The following TSNARE1 variants were observed in gnomAD, a reference collection of about 807,000 sequenced individuals.
TSNARE1 encodes t-SNARE domain-containing protein 1.
In TSNARE1, 49 loss-of-function variants were observed where a neutral mutation model predicts 62.0. That is an observed-to-expected ratio of 0.79 (90% CI 0.63 to 1.00). The LOEUF (loss-of-function observed/expected upper bound fraction) is 1.00. Ranked by LOEUF, TSNARE1 falls within the 50% of genes least tolerant of loss-of-function variation. The probability of loss-of-function intolerance (pLI) is 0.00; values close to 1 mark genes in which losing one functional copy is unlikely to be tolerated. For missense variants in TSNARE1, 755 were observed against 700.1 expected (o/e 1.08, Z -0.88); for synonymous variants, 328 against 294.4 (o/e 1.11, Z -1.17).
At chr8:142,344,973 G>A (rs1833160761) in intron 3 of TSNARE1, among the ~76,000 whole-genome samples, 1 of 152,198 alleles carries the variant, frequency 6.6e-6, no homozygotes, top group Non-Finnish European at 1.5e-5. Context: ...TTGGGCCAGG[G>A]CCGGTGGGGA....
rs565303103 is a variant in TSNARE1, at chr8:142,215,606, G to A, written c.*12-3293C>T. Among the ~76,000 whole-genome samples, 23 of 152,220 alleles carry A rather than the reference G, an allele frequency of 1.5e-4. No individual in the cohort carries two copies. The East Asian group carries it at 1.9e-3, about 13-fold the overall frequency. On this transcript the variant is annotated intron_variant, in intron 13 of 13. Coordinates refer to ENST00000524325, the MANE Select transcript of TSNARE1 (RefSeq NM_145003.5). ...AGAACCCCCAGGAGAGCTGTCCCCC[G>A]TGACCTACCAGGGAGTCCTCCCTGC...
intron 1 of TSNARE1, among the ~76,000 whole-genome samples, chr8:142,379,246 G>A (rs1374638581): frequency 2.0e-5 from 3 of 152,206 alleles, no homozygotes; most frequent in Non-Finnish European, 2.9e-5. Flanking sequence ...CAGACCGTCC[G>A]TCACGGAGTA....
At chr8:142,323,610 T>A (rs1829801654) in intron 6 of TSNARE1, among the ~76,000 whole-genome samples, 1 of 152,326 alleles carries the variant, frequency 6.6e-6, no homozygotes, top group South Asian at 2.1e-4. Flanking sequence ...GGCTGGACAC[T>A]GCTCCAAAGG....
At chr8:142,231,013 CTCCA>C (rs1817090333) in intron 12 of TSNARE1, among the ~76,000 whole-genome samples, 2 of 150,944 alleles carry the variant, frequency 1.3e-5, no homozygotes, top group Non-Finnish European at 3.0e-5. Flanking sequence ...CTACCCACCT[CTCCA>C]TCCATCCATC....
chr8:142,315,423 G>A (rs762172911), intron 7 of TSNARE1, among the ~76,000 whole-genome samples: 19 of 152,344 alleles, frequency 1.2e-4, no homozygotes, highest in Middle Eastern at 3.4e-3. Flanking sequence ...CCTGAGTCCC[G>A]AGTGACTTGT....
chr8:142,275,345 G>A (rs866597953), intron 11 of TSNARE1: 20 of 985,428 alleles, frequency 2.0e-5, no homozygotes, highest in African/African-American at 1.9e-4. Context: ...ACTGGCCCTC[G>A]ACTCAAGCAC....
At chr8:142,305,403 G>C (rs1026927454) in intron 9 of TSNARE1, among the ~76,000 whole-genome samples, 1 of 152,136 alleles carries the variant, frequency 6.6e-6, no homozygotes. Context: ...AAGCGGCCAG[G>C]CTGGGGTGCG....
At chr8:142,406,358 A>G (rs1015719791), upstream of TSNARE1, 4 of 152,264 alleles carry the variant, frequency 2.6e-5, no homozygotes, top group African/African-American at 7.2e-5. Context: ...GGAGTGGGAC[A>G]TCGTTCTATT....
chr8:142,325,743 C>T (rs953997306), intron 6 of TSNARE1, among the ~76,000 whole-genome samples: 7 of 152,210 alleles, frequency 4.6e-5, no homozygotes, highest in African/African-American at 1.7e-4. Flanking sequence ...TATGCAACAC[C>T]ACCAAGGGAG....
intron 7 of TSNARE1, among the ~76,000 whole-genome samples, chr8:142,317,726 G>A (rs1379512982): frequency 3.3e-5 from 5 of 152,178 alleles, no homozygotes; most frequent in Admixed American, 2.0e-4. Context: ...GGGAGGCAGA[G>A]GTGGGAGGAT....
At chr8:142,341,921 C>T (rs1832636712) in intron 4 of TSNARE1, among the ~76,000 whole-genome samples, 1 of 152,224 alleles carries the variant, frequency 6.6e-6, no homozygotes, top group African/African-American at 2.4e-5. Flanking sequence ...CATGTAAAAG[C>T]CAGAGACAAG....
At chr8:142,222,998 A>AC (rs1448292993) in intron 13 of TSNARE1, among the ~76,000 whole-genome samples, 24 of 150,778 alleles carry the variant, frequency 1.6e-4, no homozygotes, top group African/African-American at 5.4e-4. Context: ...TCACTCTCTC[A>AC]TTCACTCATT....
chr8:142,326,176 A>G (rs1458045678), intron 6 of TSNARE1: 9 of 156,102 alleles, frequency 5.8e-5, no homozygotes, highest in Middle Eastern at 1.5e-3. Flanking sequence ...GGCCCCGGAG[A>G]GCACGAGACG....
intron 12 of TSNARE1, among the ~76,000 whole-genome samples, chr8:142,253,138 G>C (rs1322117767): frequency 6.6e-6 from 1 of 152,228 alleles, no homozygotes; most frequent in Non-Finnish European, 1.5e-5. Context: ...ACTGGGCTCT[G>C]CCACGGGTGA....
At chr8:142,238,877 A>G (rs2130167810) in intron 12 of TSNARE1, among the ~76,000 whole-genome samples, 1 of 150,748 alleles carries the variant, frequency 6.6e-6, no homozygotes, top group East Asian at 2.0e-4. Context: ...TCCCAACCTC[A>G]GCTCAGGTGG....
chr8:142,323,619 G>A (rs1829802983), intron 6 of TSNARE1, among the ~76,000 whole-genome samples: 1 of 152,200 alleles, frequency 6.6e-6, no homozygotes, highest in South Asian at 2.1e-4. Context: ...CTGCTCCAAA[G>A]GCCGAGGTGC....
chr8:142,324,066 G>A (rs1190711951), intron 6 of TSNARE1, among the ~76,000 whole-genome samples: 2 of 152,176 alleles, frequency 1.3e-5, no homozygotes, highest in African/African-American at 2.4e-5. Flanking sequence ...GAGAGAGCGG[G>A]CCCATCTCTC....
At chr8:142,308,783 T>C (rs2131492250) in intron 9 of TSNARE1, among the ~76,000 whole-genome samples, 1 of 152,328 alleles carries the variant, frequency 6.6e-6, no homozygotes, top group Non-Finnish European at 1.5e-5. Flanking sequence ...AGCTTGACAG[T>C]TCACACACAC....
At chr8:142,272,911 G>A (rs1407657059) in intron 12 of TSNARE1, 1 of 984,764 alleles carries the variant, frequency 1.0e-6, no homozygotes, top group Non-Finnish European at 1.2e-6. Flanking sequence ...GCAGGCAGGT[G>A]GGAGCAGGAC....
Sources: gnomAD v4.1 joint callset for allele counts (sites outside exome capture counted in the v4.1 genomes callset) on GRCh38, gnomAD v4.1.1 for gene constraint, MANE v1.5 for transcripts, NCBI Gene and HGNC (gene_info 2026-07-23, HGNC 2026-07-21) for gene names.